Variants in AFTPH observed in about 807,000 individuals in gnomAD.
AFTPH encodes the protein aftiphilin, also known as aftiphilin protein.
Under a neutral mutation model 72.5 loss-of-function variants are expected in AFTPH, and 7 were observed. The observed-to-expected ratio is 0.10, with a 90% CI of 0.05 to 0.18. The LOEUF (loss-of-function observed/expected upper bound fraction) is 0.18. Among genes scored for constraint, AFTPH ranks in the 10% least tolerant of loss-of-function variants. The pLI is 1.00. For synonymous variants in AFTPH, 337 were observed against 370.1 expected, an observed-to-expected ratio of 0.91 and a Z score of 1.03; for missense variants, 979 against 1,060.5, an observed-to-expected ratio of 0.92 and a Z score of 1.07.
At chr2:64,530,029 G>A (rs551548743) in intron 1 of AFTPH, among the ~76,000 whole-genome samples, 11 of 152,064 alleles carry the variant, frequency 7.2e-5, no homozygotes, top group Admixed American at 1.3e-4. Flanking sequence ...GGTGGCGGCC[G>A]CCTGTAATCC....
At chr2:64,545,186 A>G (rs1361607705) in intron 1 of AFTPH, among the ~76,000 whole-genome samples, 2 of 152,132 alleles carry the variant, frequency 1.3e-5, no homozygotes, top group East Asian at 3.9e-4. Flanking sequence ...GCCATCACAC[A>G]TAGTTCTTTG....
chr2:64,526,308 C>T (rs1239491767), intron 1 of AFTPH, among the ~76,000 whole-genome samples: 1 of 152,110 alleles, frequency 6.6e-6, no homozygotes, highest in East Asian at 1.9e-4. Context: ...CATTTGAGTA[C>T]CAAATAATGT....
At chr2:64,572,480 T>C (rs1672498496) in intron 5 of AFTPH, among the ~76,000 whole-genome samples, 1 of 152,194 alleles carries the variant, frequency 6.6e-6, no homozygotes, top group African/African-American at 2.4e-5. Flanking sequence ...CTTACAATTT[T>C]AGTGTCATTA....
At chr2:64,587,799 G>GGCAAGAAGATGGAACTA (rs1354692386) in intron 8 of AFTPH, among the ~76,000 whole-genome samples, 47 of 152,302 alleles carry the variant, frequency 3.1e-4, no homozygotes, top group African/African-American at 1.1e-3. Flanking sequence ...CAAGTTCTTA[G>GGCAAGAAGATGGAACTA]TTTTAAAATA....
intron 2 of AFTPH, among the ~76,000 whole-genome samples, chr2:64,556,346 T>C (rs888669339): frequency 6.6e-6 from 1 of 152,212 alleles, no homozygotes; most frequent in Non-Finnish European, 1.5e-5. Flanking sequence ...TTGAAATGAT[T>C]TATTTCTGTT....
chr2:64,581,121 C>A, intron 7 of AFTPH, 69 bp from the exon 8 acceptor site: 1 of 1,104,156 alleles, frequency 9.1e-7, no homozygotes, highest in Admixed American at 2.4e-5. Flanking sequence ...CCCCTTTTTA[C>A]ACATAACCCC....
chr2:64,541,152 A>ATAAT (rs1670228545), intron 1 of AFTPH, among the ~76,000 whole-genome samples: 1 of 152,104 alleles, frequency 6.6e-6, no homozygotes, highest in African/African-American at 2.4e-5. Flanking sequence ...GTATGAGGAG[A>ATAAT]TAATTGAGAT....
chr2:64,554,961 G>T (rs1019830122), intron 2 of AFTPH, among the ~76,000 whole-genome samples: 5 of 152,154 alleles, frequency 3.3e-5, no homozygotes, highest in Non-Finnish European at 7.4e-5. Flanking sequence ...CAAGTTGATT[G>T]AAGTTATTTA....
intron 2 of AFTPH, among the ~76,000 whole-genome samples, chr2:64,564,816 A>T (rs1178216870): frequency 2.0e-5 from 3 of 151,608 alleles, no homozygotes. Context: ...TTACCACCAA[A>T]CTGGTCTTAT....
At chr2:64,537,234 G>T (rs1669946072) in intron 1 of AFTPH, among the ~76,000 whole-genome samples, 1 of 152,082 alleles carries the variant, frequency 6.6e-6, no homozygotes, top group East Asian at 1.9e-4. Context: ...AAATTGCTTA[G>T]TCAAAAGAAT....
At chr2:64,582,981 T>A (rs1217050251) in intron 7 of AFTPH, among the ~76,000 whole-genome samples, 1 of 152,248 alleles carries the variant, frequency 6.6e-6, no homozygotes, top group Non-Finnish European at 1.5e-5. Flanking sequence ...AATGCAGTTC[T>A]CATTACTTTG....
intron 3 of AFTPH, among the ~76,000 whole-genome samples, chr2:64,568,303 C>CTT (rs3980379): frequency 0.45 from 68,590 of 151,786 alleles, 16,362 homozygotes; most frequent in African/African-American, 0.63. Flanking sequence ...ATTGTTGACT[C>CTT]AAGCCACTGT....
At chr2:64,559,284 G>A (rs571242852) in intron 2 of AFTPH, among the ~76,000 whole-genome samples, 49 of 152,296 alleles carry the variant, frequency 3.2e-4, no homozygotes, top group Non-Finnish European at 6.0e-4. Context: ...GGAGGTTAGG[G>A]AGGGAAGGAT....
chr2:64,578,566 T>C (rs1672968213), intron 6 of AFTPH, among the ~76,000 whole-genome samples: 1 of 152,094 alleles, frequency 6.6e-6, no homozygotes, highest in African/African-American at 2.4e-5. Context: ...GAATTTTTTT[T>C]TTTTTTTTTA....
At chr2:64,536,971 A>AG in intron 1 of AFTPH, among the ~76,000 whole-genome samples, 14 of 149,248 alleles carry the variant, frequency 9.4e-5, no homozygotes, top group African/African-American at 3.5e-4. Context: ...AAAAAAAAAA[A>AG]AAAAGAAGAA....
At chr2:64,574,543 T>C (rs1672652251) in intron 6 of AFTPH, among the ~76,000 whole-genome samples, 1 of 152,218 alleles carries the variant, frequency 6.6e-6, no homozygotes, top group South Asian at 2.1e-4. Context: ...TTGAAGAACA[T>C]ACTTTAGAAA....
exon 2 of AFTPH, chr2:64,553,107 A>G: frequency 6.2e-7 from 1 of 1,614,214 alleles, no homozygotes; most frequent in South Asian, 1.1e-5. Context: ...TGTGCCAAAT[A>G]TTCAGGATGA....
At chr2:64,566,060 A>G (rs1009090691) in intron 2 of AFTPH, among the ~76,000 whole-genome samples, 8 of 152,222 alleles carry the variant, frequency 5.3e-5, no homozygotes, top group African/African-American at 1.4e-4. Flanking sequence ...AAATTTGGCC[A>G]TGTTAGTTTT....
chr2:64,585,335 A>G, intron 7 of AFTPH, 87 bp from the exon 9 acceptor site: 1 of 1,497,924 alleles, frequency 6.7e-7, no homozygotes, highest in East Asian at 2.3e-5. Context: ...AGATGTTTAC[A>G]GAATATTGCC....
Sources: allele counts gnomAD v4.1 joint callset (sites outside exome capture counted in the v4.1 genomes callset), GRCh38; gene constraint gnomAD v4.1.1; transcripts MANE v1.5; gene names NCBI Gene and HGNC (gene_info 2026-07-23, HGNC 2026-07-21).